ADGRB3: variants seen among roughly 807,000 people sequenced by gnomAD.
ADGRB3 encodes adhesion G protein-coupled receptor B3.
A neutral mutation model predicts 193.4 loss-of-function variants in ADGRB3; 37 were observed. The observed-to-expected ratio is 0.19, with a 90% CI of 0.15 to 0.25. The LOEUF is 0.25. ADGRB3 is among the 10% of genes least tolerant of loss of function. The pLI is 1.00. For synonymous variants in ADGRB3, 690 were observed against 644.2 expected (o/e 1.07, Z -1.08); for missense variants, 1,637 against 1,852.9 (o/e 0.88, Z 2.14).
chr6:68,685,325 A>G (rs997704053), intron 3 of ADGRB3, among the ~76,000 whole-genome samples: 1 of 152,168 alleles, frequency 6.6e-6, no homozygotes, highest in African/African-American at 2.4e-5. Flanking sequence ...TCTGAAACAA[A>G]AAGTGAATTA....
chr6:68,878,104 T>C (rs1224858180), intron 3 of ADGRB3, among the ~76,000 whole-genome samples: 2 of 152,086 alleles, frequency 1.3e-5, no homozygotes, highest in Non-Finnish European at 2.9e-5. Context: ...AAACTTAAAA[T>C]TACTTTCTTT....
At chr6:68,768,438 G>A (rs1017887314) in intron 3 of ADGRB3, among the ~76,000 whole-genome samples, 1 of 152,092 alleles carries the variant, frequency 6.6e-6, no homozygotes, top group Non-Finnish European at 1.5e-5. Flanking sequence ...AAACAATGGG[G>A]GAAAGGAATC....
At chr6:68,896,093 TAAG>T (rs908892895) in intron 3 of ADGRB3, among the ~76,000 whole-genome samples, 2 of 152,106 alleles carry the variant, frequency 1.3e-5, no homozygotes, top group African/African-American at 4.8e-5. Flanking sequence ...CTGCTTCCTT[TAAG>T]AAGAACATAC....
chr6:68,689,623 T>TTTGG (rs1296123800), intron 3 of ADGRB3, among the ~76,000 whole-genome samples: 1 of 152,162 alleles, frequency 6.6e-6, no homozygotes, highest in African/African-American at 2.4e-5. Flanking sequence ...GACATAGATT[T>TTTGG]TTGGTTGGTT....
chr6:69,018,644 C>A, intron 13 of ADGRB3, 145 bp downstream of exon 13: 1 of 577,410 alleles, frequency 1.7e-6, no homozygotes, highest in Admixed American at 3.0e-5. Flanking sequence ...TGGTATCTGA[C>A]TTTTAGATGG....
chr6:69,063,074 A>T (rs376194103), intron 16 of ADGRB3, 38 bp downstream of exon 16: 1 of 1,454,360 alleles, frequency 6.9e-7, no homozygotes, highest in Non-Finnish European at 9.6e-7. Context: ...TGCTTATGGA[A>T]TTACCTTTCT....
At chr6:69,339,139 T>C in intron 25 of ADGRB3, 125 bp downstream of exon 25, 1 of 1,152,308 alleles carries the variant, frequency 8.7e-7, no homozygotes, top group African/African-American at 1.6e-5. Context: ...ATATTTATAA[T>C]TGGCAACTGT....
intron 3 of ADGRB3, among the ~76,000 whole-genome samples, chr6:68,686,850 T>G (rs1764991323): frequency 6.6e-6 from 1 of 152,194 alleles, no homozygotes; most frequent in African/African-American, 2.4e-5. Flanking sequence ...AACATTAACT[T>G]TTCATAAGGC....
chr6:69,346,271 T>C (rs1769086175), intron 26 of ADGRB3, among the ~76,000 whole-genome samples: 1 of 152,168 alleles, frequency 6.6e-6, no homozygotes, highest in African/African-American at 2.4e-5. Flanking sequence ...AAAGAGCCTG[T>C]ATAGCCAAGA....
At chr6:68,997,854 T>C (rs1175803941) in intron 11 of ADGRB3, among the ~76,000 whole-genome samples, 1 of 152,090 alleles carries the variant, frequency 6.6e-6, no homozygotes, top group Non-Finnish European at 1.5e-5. Context: ...GCAGGGTTTC[T>C]AAATACCACT....
intron 13 of ADGRB3, among the ~76,000 whole-genome samples, chr6:69,031,924 T>C: frequency 6.6e-6 from 1 of 152,106 alleles, no homozygotes; most frequent in Admixed American, 6.6e-5. Flanking sequence ...GAGCGACTGT[T>C]CTGGCAGTTT....
chr6:69,111,432 A>G (rs546325903), intron 17 of ADGRB3, among the ~76,000 whole-genome samples: 61 of 152,332 alleles, frequency 4.0e-4, no homozygotes, highest in Non-Finnish European at 8.4e-4. Flanking sequence ...GGCCATGAAT[A>G]AGACAGTGTG....
chr6:69,267,125 A>T (rs931128020), intron 20 of ADGRB3, among the ~76,000 whole-genome samples: 1 of 151,956 alleles, frequency 6.6e-6, no homozygotes, highest in Non-Finnish European at 1.5e-5. Context: ...GGCTTTTTTT[A>T]AATTTTTTTG....
intron 17 of ADGRB3, among the ~76,000 whole-genome samples, chr6:69,230,160 T>C (rs1766102018): frequency 6.6e-6 from 1 of 152,128 alleles, no homozygotes; most frequent in Non-Finnish European, 1.5e-5. Flanking sequence ...GAAAAGTAAA[T>C]ATGTTATTTT....
intron 3 of ADGRB3, among the ~76,000 whole-genome samples, chr6:68,772,745 T>C (rs546224741): frequency 1.3e-5 from 2 of 150,978 alleles, no homozygotes; most frequent in South Asian, 2.1e-4. Context: ...AGGCCAGGTG[T>C]GGTAGTTCAT....
At chr6:69,106,546 T>A (rs1051087987) in intron 17 of ADGRB3, among the ~76,000 whole-genome samples, 2 of 152,240 alleles carry the variant, frequency 1.3e-5, no homozygotes, top group African/African-American at 4.8e-5. Context: ...TAAAAGCTTT[T>A]GCTCCTCAAC....
chr6:69,139,126 A>G (rs1485818337), intron 17 of ADGRB3, among the ~76,000 whole-genome samples: 1 of 152,216 alleles, frequency 6.6e-6, no homozygotes, highest in African/African-American at 2.4e-5. Context: ...TAGACCAGGT[A>G]CCTGGTCGCA....
intron 3 of ADGRB3, among the ~76,000 whole-genome samples, chr6:68,730,794 G>A (rs1308147933): frequency 1.3e-5 from 2 of 151,606 alleles, no homozygotes; most frequent in Non-Finnish European, 1.5e-5. Context: ...TAAATTATAT[G>A]TAGCTTTCAT....
chr6:69,062,000 A>C (rs1309101615), intron 15 of ADGRB3, among the ~76,000 whole-genome samples: 1 of 151,996 alleles, frequency 6.6e-6, no homozygotes, highest in African/African-American at 2.4e-5. Context: ...AAAAAAATTA[A>C]ATGATTTTGT....
Sources: gnomAD v4.1 joint callset for allele counts (sites outside exome capture counted in the v4.1 genomes callset) on GRCh38, gnomAD v4.1.1 for gene constraint, MANE v1.5 for transcripts, NCBI Gene and HGNC (gene_info 2026-07-23, HGNC 2026-07-21) for gene names.